Variants in RPS6KC1 observed in about 807,000 individuals in gnomAD.
The protein encoded by RPS6KC1 is inactive ribosomal protein S6 kinase delta-1.
RPS6KC1 carries 54 observed loss-of-function variants against 103.8 expected under a neutral mutation model. The observed-to-expected ratio is 0.52, with a 90% CI of 0.42 to 0.65. The LOEUF is 0.65. Among genes scored for constraint, RPS6KC1 ranks in the 30% least tolerant of loss-of-function variants. The probability of loss-of-function intolerance (pLI) is 0.00; values close to 1 mark genes in which losing one functional copy is unlikely to be tolerated. For missense variants in RPS6KC1, 1,151 were observed against 1,253.8 expected, an observed-to-expected ratio of 0.92 and a Z score of 1.24; for synonymous variants, 439 against 438.7, an observed-to-expected ratio of 1.00 and a Z score of -0.01.
chr1:213,178,253 A>G (rs981909571), intron 8 of RPS6KC1, among the ~76,000 whole-genome samples: 10 of 150,926 alleles, frequency 6.6e-5, no homozygotes, highest in Non-Finnish European at 1.5e-4. Flanking sequence ...AAAAAAAAGG[A>G]AAAATGCTGG....
chr1:213,338,482 A>T, the RPS6KC1 span, among the ~76,000 whole-genome samples: 2 of 152,376 alleles, frequency 1.3e-5, no homozygotes, highest in Admixed American at 6.5e-5. Flanking sequence ...GCTATGTATT[A>T]AACTTCTGTT....
the RPS6KC1 span, among the ~76,000 whole-genome samples, chr1:213,791,864 A>G: frequency 9.9e-5 from 15 of 152,224 alleles, no homozygotes; most frequent in South Asian, 3.1e-3. Flanking sequence ...GCTTGTTGGC[A>G]TTACCTACCG....
At chr1:213,580,508 T>G in the RPS6KC1 span, among the ~76,000 whole-genome samples, 1 of 152,148 alleles carries the variant, frequency 6.6e-6, no homozygotes, top group African/African-American at 2.4e-5. Context: ...TTGAGAGGAT[T>G]GATTTCAATT....
At chr1:213,684,304 C>T in the RPS6KC1 span, among the ~76,000 whole-genome samples, 2 of 152,074 alleles carry the variant, frequency 1.3e-5, no homozygotes, top group Admixed American at 1.3e-4. Flanking sequence ...AATTATTATC[C>T]CCTGTTACAT....
At chr1:213,696,086 A>AT in the RPS6KC1 span, among the ~76,000 whole-genome samples, 2 of 152,070 alleles carry the variant, frequency 1.3e-5, no homozygotes, top group Non-Finnish European at 2.9e-5. Flanking sequence ...ACTGCCTTCA[A>AT]TTTTTCTGCC....
chr1:213,514,632 T>A, the RPS6KC1 span, among the ~76,000 whole-genome samples: 4 of 152,266 alleles, frequency 2.6e-5, no homozygotes, highest in East Asian at 7.7e-4. Context: ...TCTATCGTTG[T>A]TGGACATTTG....
At chr1:213,066,456 T>C (rs544073215) in intron 1 of RPS6KC1, among the ~76,000 whole-genome samples, 2 of 152,346 alleles carry the variant, frequency 1.3e-5, no homozygotes, top group South Asian at 4.1e-4. Context: ...GTTCCTTTTG[T>C]AAGCCTAAAA....
chr1:213,262,739 C>T lies in RPS6KC1; in HGVS notation c.3013C>T (p.Pro1005Ser), dbSNP rs1253966317. The part of the protein sequence containing the change: ...LTGKTLVECH[P>S]AGINTHTTLN... ...GTTTCAGACTCTGGTTGAATGCCAT[C>T]CAGCAGGAATAAATACTCACACTAC... Residue 1005 changes from proline to serine, a missense_variant, in exon 14 of 15, where the codon CCA becomes TCA. By Grantham distance (74) the Pro-to-Ser change is moderately conservative. Around this residue, in one of 3 missense-constraint regions of RPS6KC1, gnomAD observed 189 missense variants for 228.8 expected, o/e 0.83. Transcript: ENST00000366960. 10 of 1,609,892 alleles carry T rather than the reference C, an allele frequency of 6.2e-6. No individual in the cohort carries two copies. Among genetic ancestry groups the T allele is most frequent in the Non-Finnish European group, 8.5e-6 (10 of 1,176,266 alleles).
the RPS6KC1 span, among the ~76,000 whole-genome samples, chr1:213,642,657 ATTAT>A: frequency 5.3e-5 from 8 of 152,028 alleles, no homozygotes; most frequent in African/African-American, 1.4e-4. Context: ...GACTTAAATT[ATTAT>A]TTGTTAGTGT....
chr1:213,205,047 G>T (rs2093295842), intron 8 of RPS6KC1, among the ~76,000 whole-genome samples: 1 of 152,094 alleles, frequency 6.6e-6, no homozygotes, highest in South Asian at 2.1e-4. Flanking sequence ...TGTGAGCATT[G>T]TACTACTCCC....
the RPS6KC1 span, among the ~76,000 whole-genome samples, chr1:213,696,575 AAAAAGTTTG>A: frequency 6.6e-6 from 1 of 152,104 alleles, no homozygotes; most frequent in South Asian, 2.1e-4. Context: ...AAGGGAGAGA[AAAAAGTTTG>A]AAAGTGTCCA....
At chr1:213,482,864 A>G in the RPS6KC1 span, among the ~76,000 whole-genome samples, 5 of 151,892 alleles carry the variant, frequency 3.3e-5, no homozygotes, top group East Asian at 1.9e-4. Flanking sequence ...GTTTTTTGAG[A>G]TAAGTGTTAT....
the RPS6KC1 span, among the ~76,000 whole-genome samples, chr1:213,288,133 C>T: frequency 3.3e-5 from 5 of 152,346 alleles, no homozygotes; most frequent in South Asian, 1.0e-3. Flanking sequence ...CCCATCACTA[C>T]TCCAGGGAGA....
the RPS6KC1 span, among the ~76,000 whole-genome samples, chr1:213,756,741 C>G: frequency 2.0e-5 from 3 of 152,046 alleles, no homozygotes; most frequent in Non-Finnish European, 4.4e-5. Context: ...CTCACCCTCT[C>G]AAGTATTTGG....
intron 7 of RPS6KC1, among the ~76,000 whole-genome samples, chr1:213,174,816 GT>G (rs923396636): frequency 5.3e-5 from 8 of 151,200 alleles, no homozygotes; most frequent in Non-Finnish European, 8.8e-5. Flanking sequence ...AAATATATCC[GT>G]TTTTTTTATG....
At chr1:213,498,984 T>C in the RPS6KC1 span, among the ~76,000 whole-genome samples, 18 of 150,558 alleles carry the variant, frequency 1.2e-4, no homozygotes, top group Non-Finnish European at 2.4e-4. Context: ...TTCTCCATGT[T>C]GTCCAGGCCG....
the RPS6KC1 span, among the ~76,000 whole-genome samples, chr1:213,376,801 T>C: frequency 6.6e-6 from 1 of 152,194 alleles, no homozygotes; most frequent in African/African-American, 2.4e-5. Context: ...TGCTACTTTG[T>C]AACAATCAAC....
the RPS6KC1 span, among the ~76,000 whole-genome samples, chr1:213,569,892 G>A: frequency 0.083 from 12,703 of 152,244 alleles, 692 homozygotes; most frequent in East Asian, 0.11. Context: ...GCTGCCTCAA[G>A]GAGATCAAAG....
At chr1:213,264,700 C>T (rs181339104) in intron 14 of RPS6KC1, among the ~76,000 whole-genome samples, 2 of 152,248 alleles carry the variant, frequency 1.3e-5, no homozygotes, top group Non-Finnish European at 2.9e-5. Flanking sequence ...GAAAAGGGGT[C>T]TCTTGGCATG....
Sources: gnomAD v4.1 joint callset for allele counts (sites outside exome capture counted in the v4.1 genomes callset) on GRCh38, gnomAD v4.1.1 for gene constraint, gnomAD v4.1.1 regional missense constraint, MANE v1.5 for transcripts, NCBI Gene and HGNC (gene_info 2026-07-23, HGNC 2026-07-21) for gene names.